The following PCDH11Y variants were observed in gnomAD, a reference collection of about 807,000 sequenced individuals.
PCDH11Y encodes the protein protocadherin-11 Y-linked.
For missense variants in PCDH11Y, 12 were observed against 224.8 expected (o/e 0.05, Z 6.05); for synonymous variants, 9 against 83.6 (o/e 0.11, Z 4.87).
At chrY:5,148,149 G>T (rs2124643200) in intron 2 of PCDH11Y, among the ~76,000 whole-genome samples, 11 of 33,372 alleles carry the variant, frequency 3.3e-4, no homozygotes, top group African/African-American at 1.3e-3. Flanking sequence ...ACCTATTTGA[G>T]CTCTCTCATC....
At chrY:5,481,171 G>T in intron 2 of PCDH11Y, among the ~76,000 whole-genome samples, 1 of 32,763 alleles carries the variant, frequency 3.1e-5, no homozygotes, top group Non-Finnish European at 7.5e-5. Flanking sequence ...CAGGGCCCTG[G>T]TGGTATAGGC....
At chrY:5,586,116 T>A (rs1602946827) in intron 4 of PCDH11Y, among the ~76,000 whole-genome samples, 2 of 32,505 alleles carry the variant, frequency 6.2e-5, no homozygotes, top group East Asian at 7.9e-4. Context: ...AATAATTTTT[T>A]AAAATTTTAT....
intron 2 of PCDH11Y, among the ~76,000 whole-genome samples, chrY:5,143,570 G>T: frequency 1.2e-4 from 4 of 33,388 alleles, no homozygotes; most frequent in Admixed American, 1.1e-3. Context: ...TAATCCATGT[G>T]CATCACCTTC....
intron 2 of PCDH11Y, among the ~76,000 whole-genome samples, chrY:5,440,574 A>G: frequency 3.2e-5 from 1 of 31,434 alleles, no homozygotes; most frequent in Non-Finnish European, 7.8e-5. Context: ...TTCAAAGGGA[A>G]CACAGATTCT....
chrY:5,439,554 G>A, intron 2 of PCDH11Y, among the ~76,000 whole-genome samples: 2 of 33,164 alleles, frequency 6.0e-5, no homozygotes, highest in Non-Finnish European at 1.5e-4. Context: ...GTCCCTCTAC[G>A]TGAAATCATT....
chrY:5,477,998 G>GT (rs2124685448), intron 2 of PCDH11Y, among the ~76,000 whole-genome samples: 1 of 32,788 alleles, frequency 3.0e-5, no homozygotes, highest in East Asian at 8.2e-4. Context: ...TTTTTGAAGG[G>GT]TTTTTTATGT....
In PCDH11Y at chrY:5,595,439, TA is replaced by T. The variant is rs2053466615; in HGVS notation, c.3352+13642del. Among the ~76,000 whole-genome samples the T allele has an allele frequency of 6.3e-4, 21 of 33,302 alleles. No individual in the cohort carries two copies. The East Asian group carries it at 0.013, about 20-fold the overall frequency. The allele number at this position is 33,302 out of a possible 37,273, so 89.3% of individuals were successfully genotyped here. A position where few individuals can be genotyped will look rare whatever the true frequency, so the allele number is the denominator to read the frequency against. ...AATAATAGCATTCTTATTTTTCCAT[TA>T]TTTTTTTTCTAGATTGAACTTTTAT... is the stretch of plus-strand genomic sequence containing the variant. On this transcript the variant is annotated intron_variant, in intron 4 of 4. Transcript: ENST00000400457.
At chrY:5,540,376 C>G in intron 3 of PCDH11Y, among the ~76,000 whole-genome samples, 1 of 33,608 alleles carries the variant, frequency 3.0e-5, no homozygotes, top group African/African-American at 1.1e-4. Context: ...AAAAAATAAC[C>G]TCTAATATTG....
At chrY:5,560,023 C>T (rs2053427258) in intron 3 of PCDH11Y, among the ~76,000 whole-genome samples, 1 of 32,927 alleles carries the variant, frequency 3.0e-5, no homozygotes, top group African/African-American at 1.2e-4. Flanking sequence ...TGGCTTTGCC[C>T]AAAATGCTGA....
exon 2 of PCDH11Y, chrY:5,101,183 T>C: frequency 4.4e-6 from 1 of 229,305 alleles, no homozygotes; most frequent in Non-Finnish European, 5.3e-6. Context: ...CACCAAGATA[T>C]TCCCCCCATA....
At chrY:5,267,502 G>A in intron 2 of PCDH11Y, among the ~76,000 whole-genome samples, 1 of 31,627 alleles carries the variant, frequency 3.2e-5, no homozygotes, top group African/African-American at 1.2e-4. Context: ...CACCGCGCCC[G>A]GCCGTTGCTC....
chrY:5,318,607 A>G, intron 2 of PCDH11Y, among the ~76,000 whole-genome samples: 1 of 32,720 alleles, frequency 3.1e-5, no homozygotes, highest in East Asian at 7.9e-4. Context: ...AACTGTTTTC[A>G]TTAAACACAA....
chrY:5,115,133 A>ATT (rs773841540), intron 2 of PCDH11Y, among the ~76,000 whole-genome samples: 10 of 11,966 alleles, frequency 8.4e-4, no homozygotes, highest in Admixed American at 3.6e-3. Context: ...AGAGAACCGC[A>ATT]TTTTTTTTTT....
At chrY:5,174,139 GAT>G (rs771513755) in intron 2 of PCDH11Y, among the ~76,000 whole-genome samples, 468 of 9,707 alleles carry the variant, frequency 0.048, no homozygotes, top group Middle Eastern at 0.14. Context: ...ATACAAATGT[GAT>G]ATATATATAT....
chrY:5,465,244 A>G (rs2053307249), intron 2 of PCDH11Y, among the ~76,000 whole-genome samples: 1 of 32,914 alleles, frequency 3.0e-5, no homozygotes, highest in Non-Finnish European at 7.5e-5. Context: ...AAAATACAAT[A>G]ATCCCTAATC....
At chrY:5,270,302 G>A in intron 2 of PCDH11Y, among the ~76,000 whole-genome samples, 1 of 28,461 alleles carries the variant, frequency 3.5e-5, no homozygotes, top group Non-Finnish European at 8.2e-5. Flanking sequence ...GAGGTCAGGA[G>A]ATCGAGACCA....
At chrY:5,229,070 G>A (rs2563188) in intron 2 of PCDH11Y, among the ~76,000 whole-genome samples, 4 of 31,713 alleles carry the variant, frequency 1.3e-4, no homozygotes, top group Non-Finnish European at 2.3e-4. Context: ...TCTCTTTAGC[G>A]CTAATAATAT....
intron 1 of PCDH11Y, among the ~76,000 whole-genome samples, chrY:5,059,249 G>A: frequency 6.1e-5 from 2 of 32,882 alleles, no homozygotes; most frequent in Non-Finnish European, 1.5e-4. Flanking sequence ...CCAGTCACAC[G>A]TTGCTGTAGA....
intron 4 of PCDH11Y, among the ~76,000 whole-genome samples, chrY:5,642,883 C>T: frequency 1.8e-4 from 6 of 33,346 alleles, no homozygotes; most frequent in Admixed American, 1.6e-3. Context: ...GGGTCAGGCA[C>T]TGTAGTGAAC....
Sources: allele counts gnomAD v4.1 joint callset (sites outside exome capture counted in the v4.1 genomes callset), GRCh38; gene constraint gnomAD v4.1.1; transcripts MANE v1.5; gene names NCBI Gene and HGNC (gene_info 2026-07-23, HGNC 2026-07-21).